The following PDSS2 variants were observed in gnomAD, a reference collection of about 807,000 sequenced individuals.
The protein encoded by PDSS2 is decaprenyl diphosphate synthase subunit 2.
Under a neutral mutation model 44.5 loss-of-function variants are expected in PDSS2, and 31 were observed. That is an observed-to-expected ratio of 0.70 (90% CI 0.52 to 0.94). PDSS2 has a LOEUF of 0.94. Among genes scored for constraint, PDSS2 ranks in the 40% least tolerant of loss-of-function variants. The pLI is 0.00. For missense variants in PDSS2, 452 were observed against 482.2 expected (o/e 0.94, Z 0.59); for synonymous variants, 157 against 180.3 (o/e 0.87, Z 1.03).
chr6:107,453,058 A>T lies in PDSS2; in HGVS notation c.296+5932T>A, dbSNP rs141839919. Among the ~76,000 whole-genome samples, 4 of 151,868 alleles carry T rather than the reference A, an allele frequency of 2.6e-5. No homozygotes were observed. The East Asian group carries it at 7.8e-4, about 30-fold the overall frequency. ...CTGCTTACCTAGCCCTAGGTCCTGA[A>T]GATGTTATCCTATGTTTTCTTTTTT... On this transcript the variant is annotated intron_variant, in intron 1 of 7. Coordinates refer to ENST00000369037, the MANE Select transcript of PDSS2 (RefSeq NM_020381.4).
intron 3 of PDSS2, among the ~76,000 whole-genome samples, chr6:107,247,837 A>AC (rs1774673587): frequency 1.8e-5 from 1 of 54,084 alleles, no homozygotes; most frequent in Admixed American, 2.3e-4. Context: ...CCCTGTCTCT[A>AC]CTAAAAAAAA....
At chr6:107,199,311 T>C (rs1215760517) in intron 6 of PDSS2, among the ~76,000 whole-genome samples, 1 of 152,204 alleles carries the variant, frequency 6.6e-6, no homozygotes, top group Non-Finnish European at 1.5e-5. Context: ...GTTTGATTGG[T>C]TGATTAAACA....
intron 2 of PDSS2, among the ~76,000 whole-genome samples, chr6:107,317,671 A>G (rs1017149340): frequency 6.6e-6 from 1 of 152,218 alleles, no homozygotes. Context: ...TTCTATGGAT[A>G]AAAATAAAAG....
chr6:107,338,854 G>A (rs1467427211), intron 1 of PDSS2, among the ~76,000 whole-genome samples: 1 of 152,036 alleles, frequency 6.6e-6, no homozygotes, highest in Admixed American at 6.6e-5. Context: ...CTTTTAAAAG[G>A]GTTCCCTATG....
chr6:107,327,760 ACTTTT>A (rs1562464573), intron 2 of PDSS2, among the ~76,000 whole-genome samples: 1 of 152,200 alleles, frequency 6.6e-6, no homozygotes, highest in Non-Finnish European at 1.5e-5. Flanking sequence ...CCCGGTCAAC[ACTTTT>A]CTTTTCCTTC....
At chr6:107,408,380 T>C (rs1490355895) in intron 1 of PDSS2, among the ~76,000 whole-genome samples, 1 of 152,176 alleles carries the variant, frequency 6.6e-6, no homozygotes, top group Non-Finnish European at 1.5e-5. Flanking sequence ...CATCCATTGC[T>C]ATTCAAAAAA....
intron 1 of PDSS2, among the ~76,000 whole-genome samples, chr6:107,368,100 C>T (rs1779016633): frequency 6.6e-6 from 1 of 151,762 alleles, no homozygotes. Flanking sequence ...GAAACCCTGT[C>T]TCTACTAAAA....
intron 1 of PDSS2, among the ~76,000 whole-genome samples, chr6:107,418,530 G>A (rs1395433975): frequency 6.6e-6 from 1 of 152,180 alleles, no homozygotes; most frequent in Admixed American, 6.5e-5. Flanking sequence ...CCAGCACTTT[G>A]GGAGGCCAAG....
chr6:107,251,726 T>A (rs1385950597), intron 3 of PDSS2, among the ~76,000 whole-genome samples: 1 of 152,180 alleles, frequency 6.6e-6, no homozygotes, highest in African/African-American at 2.4e-5. Context: ...AATTTCTTTT[T>A]GAGCCACAAA....
chr6:107,305,209 A>G (rs1776818796), intron 2 of PDSS2, among the ~76,000 whole-genome samples: 1 of 152,098 alleles, frequency 6.6e-6, no homozygotes, highest in African/African-American at 2.4e-5. Flanking sequence ...CCTTCTTGAA[A>G]AGAAAATTGC....
chr6:107,321,114 C>G (rs1049473682), intron 2 of PDSS2, among the ~76,000 whole-genome samples: 1 of 152,118 alleles, frequency 6.6e-6, no homozygotes, highest in Non-Finnish European at 1.5e-5. Context: ...ATAGAAAACT[C>G]TATATGTGTT....
rs1219904179 is a variant in PDSS2 at position 107,324,877 on chromosome 6, C to T, written c.431+9321G>A. On this transcript the variant is annotated intron_variant, in intron 2 of 7. Coordinates refer to ENST00000369037, the MANE Select transcript of PDSS2 (RefSeq NM_020381.4). ...TAATTTTGTTTGGCATTTTGAAGTG[C>T]TAGACGAATTCTAATGTGTGGAATG... Among the ~76,000 whole-genome samples the T allele has an allele frequency of 2.6e-5, 4 of 152,044 alleles. No homozygotes were observed. The East Asian group carries it at 7.7e-4, about 29-fold the overall frequency.
intron 4 of PDSS2, among the ~76,000 whole-genome samples, chr6:107,239,634 CTTTTTTTTTTTTTT>C (rs1177940710): frequency 1.3e-5 from 1 of 76,926 alleles, no homozygotes; most frequent in Non-Finnish European, 2.3e-5. Context: ...TGTACTCTAC[CTTTTTTTTTTTTTT>C]TTTTTTTTTT....
chr6:107,293,050 T>C (rs182633457), intron 2 of PDSS2, among the ~76,000 whole-genome samples: 3 of 152,300 alleles, frequency 2.0e-5, no homozygotes, highest in Admixed American at 1.3e-4. Context: ...CTGATCAACA[T>C]TAAACAGACT....
chr6:107,338,469 G>A (rs1777975946), intron 1 of PDSS2, among the ~76,000 whole-genome samples: 1 of 152,224 alleles, frequency 6.6e-6, no homozygotes, highest in Non-Finnish European at 1.5e-5. Flanking sequence ...TGGAGAATAT[G>A]ATGAGGAGCA....
chr6:107,332,342 A>G (rs1338509098), intron 2 of PDSS2, among the ~76,000 whole-genome samples: 2 of 151,954 alleles, frequency 1.3e-5, no homozygotes, highest in Non-Finnish European at 2.9e-5. Context: ...CTGGACTCAC[A>G]TTATCCATCT....
At chr6:107,458,899 G>T in intron 1 of PDSS2, 91 bp downstream of exon 1, 1 of 1,106,566 alleles carries the variant, frequency 9.0e-7, no homozygotes, top group Non-Finnish European at 1.4e-6. Flanking sequence ...TAAATCAGGA[G>T]CCAGTCTGAG....
chr6:107,274,168 C>T lies in PDSS2; in HGVS notation c.491G>A (p.Gly164Glu). The change falls in exon 3 of 8, where the codon GGG becomes GAG. Residue 164 changes from glycine to glutamate, a missense_variant. By Grantham distance (98) the Gly-to-Glu change is moderately conservative (BLOSUM62 -2). Transcript: ENST00000369037. ...LIHIALLVHR[G>E]IVNLNELQSS... ...TTGCAACTCATTTAAATTTACTATC[C>T]CACGATGTACAAGGAGAGCAATATG... 6.2e-7 allele frequency: 1 copy of T among 1,613,946 alleles called. No homozygotes were observed. Among genetic ancestry groups the T allele is most frequent in the Non-Finnish European group, 8.5e-7 (1 of 1,179,842 alleles).
intron 4 of PDSS2, among the ~76,000 whole-genome samples, chr6:107,220,883 G>A (rs9386625): frequency 0.76 from 115,507 of 152,022 alleles, 44,584 homozygotes; most frequent in East Asian, 0.99. Flanking sequence ...TCAGCTTGCC[G>A]TGTATATACT....
Sources: allele counts gnomAD v4.1 joint callset (sites outside exome capture counted in the v4.1 genomes callset), GRCh38; gene constraint gnomAD v4.1.1; transcripts MANE v1.5; gene names NCBI Gene and HGNC (gene_info 2026-07-23, HGNC 2026-07-21).